ZEB2: variants seen among roughly 807,000 people sequenced by gnomAD.
ZEB2 encodes zinc finger E-box-binding homeobox 2.
ZEB2 carries 6 observed loss-of-function variants against 99.9 expected under a neutral mutation model. The ratio of observed to expected loss-of-function variants is 0.06; its 90% confidence interval spans 0.03 to 0.12. The LOEUF is 0.12. Among genes scored for constraint, ZEB2 ranks in the 10% least tolerant of loss-of-function variants. The pLI, the probability that ZEB2 is intolerant of heterozygous loss-of-function variation, is 1.00. For synonymous variants in ZEB2, 517 were observed against 542.5 expected (o/e 0.95, Z 0.65); for missense variants, 969 against 1,502.8 (o/e 0.64, Z 5.87).
chr2:144,466,194 G>T (rs1015066967), intron 2 of ZEB2, among the ~76,000 whole-genome samples: 2 of 152,108 alleles, frequency 1.3e-5, no homozygotes, highest in Non-Finnish European at 2.9e-5. Context: ...TCTCCCTTAG[G>T]GGGGAAAAGT....
chr2:144,460,113 T>G (rs1196826615), intron 2 of ZEB2, among the ~76,000 whole-genome samples: 1 of 152,202 alleles, frequency 6.6e-6, no homozygotes, highest in Non-Finnish European at 1.5e-5. Flanking sequence ...GATTTCATTC[T>G]GAATGCAATT....
At chr2:144,459,566 T>C (rs1704164683) in intron 2 of ZEB2, among the ~76,000 whole-genome samples, 2 of 152,086 alleles carry the variant, frequency 1.3e-5, no homozygotes, top group Non-Finnish European at 2.9e-5. Flanking sequence ...GTTTTGAGGG[T>C]TAAAAAATTT....
chr2:144,462,289 G>A (rs879687768), intron 2 of ZEB2: 27 of 152,132 alleles, frequency 1.8e-4, no homozygotes, highest in Non-Finnish European at 3.5e-4. Context: ...CTTGGGTGAT[G>A]TTTTTCTTCC....
At chr2:144,513,684 G>T in intron 2 of ZEB2, 1 of 1,535,434 alleles carries the variant, frequency 6.5e-7, no homozygotes, top group South Asian at 1.2e-5. Flanking sequence ...CCCAGGACCC[G>T]CTGCCCGAAT....
intron 5 of ZEB2, 89 bp from the exon 6 acceptor site, chr2:144,404,219 G>T: frequency 7.0e-7 from 1 of 1,427,024 alleles, no homozygotes; most frequent in South Asian, 1.2e-5. Context: ...GGGATGGTAT[G>T]ACAGGAATCA....
rs147603619 is a variant in ZEB2 at position 144,429,803 on chromosome 2, G to A, written c.297C>T (p.Asn99=). 120 of 1,613,828 alleles carry A rather than the reference G, an allele frequency of 7.4e-5. No individual in the cohort carries two copies. The East Asian group carries it at 2.5e-3, about 33-fold the overall frequency. Residue 99 remains asparagine (N), a synonymous_variant, in exon 3 of 10, where the codon AAC becomes AAT. Coordinates refer to ENST00000627532, the MANE Select transcript of ZEB2 (RefSeq NM_014795.4). ...CTACAGAGGCTTGTAGAATCTCGTTGTTGTGCCAGGGGTGTTCCACTCCAC... is the reference window on the plus strand; with the variant it reads ...CTACAGAGGCTTGTAGAATCTCGTTATTGTGCCAGGGGTGTTCCACTCCAC... ...REGGVEHPWH[N]NEILQASVDG...
rs1407695241 is a variant in ZEB2 at position 144,389,368 on chromosome 2, G to A, written c.*83C>T. 1.3e-6 allele frequency: 2 copies of A among 1,512,468 alleles called. No individual in the cohort carries two copies. Among genetic ancestry groups the A allele is most frequent in the East Asian group, 2.3e-5 (1 of 44,386 alleles). The allele number at this position is 1,512,468 out of a possible 1,614,324, so 93.7% of individuals were successfully genotyped here. A position where few individuals can be genotyped will look rare whatever the true frequency, so the allele number is the denominator to read the frequency against. On this transcript the variant is annotated 3_prime_UTR_variant, in exon 10 of 10. Coordinates refer to ENST00000627532, the MANE Select transcript of ZEB2 (RefSeq NM_014795.4). The surrounding 1 kb of genome is among the most constrained non-coding windows in gnomAD (Gnocchi z 6.8). ...TCCTGGAAGCGTCAGGCACGTGCAT[G>A]AACAGCTTAACACAGCAGTGTTTTC...
chr2:144,510,762 C>T (rs1705023146), intron 2 of ZEB2, among the ~76,000 whole-genome samples: 1 of 151,468 alleles, frequency 6.6e-6, no homozygotes, highest in Non-Finnish European at 1.5e-5. Flanking sequence ...TGGCAGAATG[C>T]AAATGGAGCC....
intron 4 of ZEB2, among the ~76,000 whole-genome samples, chr2:144,423,287 G>T (rs903805738): frequency 2.0e-5 from 3 of 152,166 alleles, no homozygotes; most frequent in African/African-American, 7.2e-5. Context: ...TTTTATTTAT[G>T]CTGGAGGCTG....
intron 2 of ZEB2, chr2:144,430,841 T>C (rs1398801372): frequency 2.6e-5 from 4 of 152,214 alleles, no homozygotes; most frequent in African/African-American, 4.8e-5. Context: ...GTGAACTCAA[T>C]TGAAGGTGGC....
intron 2 of ZEB2, among the ~76,000 whole-genome samples, chr2:144,465,617 T>G (rs1392890253): frequency 6.6e-6 from 1 of 152,176 alleles, no homozygotes; most frequent in Non-Finnish European, 1.5e-5. Context: ...ATAAGGAGAC[T>G]GTTATCATTT....
chr2:144,460,732 G>A (rs540230209), intron 2 of ZEB2, among the ~76,000 whole-genome samples: 1 of 152,138 alleles, frequency 6.6e-6, no homozygotes, highest in African/African-American at 2.4e-5. Flanking sequence ...ATTACTAGCA[G>A]AGACTCTAAA....
chr2:144,449,968 T>C (rs575224603), intron 2 of ZEB2, among the ~76,000 whole-genome samples: 2 of 152,336 alleles, frequency 1.3e-5, no homozygotes, highest in East Asian at 3.9e-4. Flanking sequence ...ATACAGCCTT[T>C]CTGATTAGCT....
chr2:144,398,626 T>C lies in ZEB2; in HGVS notation c.2561A>G (p.Glu854Gly). 1 of 1,614,206 alleles carries C rather than the reference T, an allele frequency of 6.2e-7. No individual in the cohort carries two copies. Among genetic ancestry groups the C allele is most frequent in the African/African-American group, 1.3e-5 (1 of 75,066 alleles). Residue 854 changes from glutamate (E) to glycine (G), a missense_variant, in exon 8 of 10, where the codon GAA (glutamate) becomes GGA (glycine). By Grantham distance (98) the Glu-to-Gly change is moderately conservative (BLOSUM62 -2). Around this residue, in one of 8 missense-constraint regions of ZEB2, gnomAD observed 346 missense variants for 460.0 expected, o/e 0.75. Transcript: ENST00000627532. ...LDHNSVSSSSENSDEPLNLTF... is the reference protein window; with the variant it reads ...LDHNSVSSSSGNSDEPLNLTF... ...CAAGTTCAGAGGCTCATCTGAGTTT[T>C]CAGATGAGGAAGAAACACTGTTATG...
At chr2:144,512,188 C>A (rs561714724) in intron 2 of ZEB2, 1 of 1,287,216 alleles carries the variant, frequency 7.8e-7, no homozygotes, top group Admixed American at 2.3e-5. Flanking sequence ...ACCTGCACTC[C>A]CTCTCTCTGT....
At chr2:144,492,427 C>T (rs983525308) in intron 2 of ZEB2, among the ~76,000 whole-genome samples, 11 of 152,180 alleles carry the variant, frequency 7.2e-5, no homozygotes, top group Non-Finnish European at 1.3e-4. Flanking sequence ...CATTAATCAC[C>T]TACTATGTGC....
intron 2 of ZEB2, among the ~76,000 whole-genome samples, chr2:144,488,788 T>C (rs1415196794): frequency 2.0e-5 from 3 of 152,114 alleles, no homozygotes; most frequent in South Asian, 2.1e-4. Context: ...TAAATGAAGT[T>C]AGAAAAACAT....
chr2:144,442,044 G>C (rs1001766086), intron 2 of ZEB2, among the ~76,000 whole-genome samples: 1 of 152,186 alleles, frequency 6.6e-6, no homozygotes. Flanking sequence ...TGGAATGTTA[G>C]AGGTTTAGGA....
chr2:144,513,540 T>G, intron 2 of ZEB2: 1 of 1,529,072 alleles, frequency 6.5e-7, no homozygotes, highest in Admixed American at 2.0e-5. Context: ...AAACAAGCAG[T>G]TTCCGGATTT....
Sources: allele counts gnomAD v4.1 joint callset (sites outside exome capture counted in the v4.1 genomes callset), GRCh38; gene constraint gnomAD v4.1.1; regional missense constraint gnomAD v4.1.1; non-coding constraint Gnocchi (gnomAD v3.1); transcripts MANE v1.5; gene names NCBI Gene and HGNC (gene_info 2026-07-23, HGNC 2026-07-21).